Variants in LAMA2 observed in about 807,000 individuals in gnomAD.
The protein encoded by LAMA2 is laminin subunit alpha 2.
A neutral mutation model predicts 364.8 loss-of-function variants in LAMA2; 269 were observed. The observed-to-expected ratio is 0.74, with a 90% CI of 0.67 to 0.82. The LOEUF (loss-of-function observed/expected upper bound fraction) is 0.82. LAMA2 is among the 40% of genes least tolerant of loss of function. LAMA2 has a pLI of 0.00. For missense variants in LAMA2, 3,807 were observed against 3,873.2 expected (o/e 0.98, Z 0.45); for synonymous variants, 1,379 against 1,370.6 (o/e 1.01, Z -0.14).
chr6:129,316,270 G>T (rs994414959), intron 27 of LAMA2, 99 bp downstream of exon 27: 3 of 989,994 alleles, frequency 3.0e-6, no homozygotes, highest in Admixed American at 1.9e-5. Flanking sequence ...AAAGTGATTG[G>T]TTTTGCAGTA....
chr6:129,076,062 G>A (rs1773614303), intron 3 of LAMA2, among the ~76,000 whole-genome samples: 1 of 151,968 alleles, frequency 6.6e-6, no homozygotes, highest in Admixed American at 6.6e-5. Flanking sequence ...CTCCAGCCTG[G>A]GAGACAGAGC....
chr6:129,304,185 G>T (rs1773721820), intron 22 of LAMA2, among the ~76,000 whole-genome samples: 1 of 152,154 alleles, frequency 6.6e-6, no homozygotes, highest in African/African-American at 2.4e-5. Flanking sequence ...CCTAATAAAT[G>T]TGATAACTTG....
At chr6:129,211,259 C>T (rs1320443001) in intron 12 of LAMA2, among the ~76,000 whole-genome samples, 1 of 152,060 alleles carries the variant, frequency 6.6e-6, no homozygotes, top group Non-Finnish European at 1.5e-5. Context: ...ATACACAAAC[C>T]CAGCCACAGA....
At position 129,267,127 on chromosome 6, in the gene LAMA2, C is replaced by A. The variant is rs775676341; in HGVS notation, c.2230C>A (p.Arg744=). The A allele has an allele frequency of 1.9e-6, 3 of 1,612,092 alleles. No homozygotes were observed. The highest frequency in any genetic ancestry group is 2.7e-5 in the African/African-American group (2 of 74,802). The stretch of plus-strand genomic sequence containing the variant: ...TCAGTCTTGTTGGCCTAGGCACAGG[C>A]GAGTTAACGGCACTATTTTTGGTGG... ...SCESCWPRHR[R]VNGTIFGGIC... The change falls in exon 16 of 65, where the codon CGA becomes AGA. Residue 744 remains arginine (R), a synonymous_variant. Coordinates refer to ENST00000421865, the MANE Select transcript of LAMA2 (RefSeq NM_000426.4).
At chr6:129,223,526 G>T (rs926388630) in intron 12 of LAMA2, among the ~76,000 whole-genome samples, 1 of 152,180 alleles carries the variant, frequency 6.6e-6, no homozygotes. Flanking sequence ...TGTATAAGGT[G>T]TAAGGAAGGG....
chr6:128,960,527 T>C (rs1781421694), intron 1 of LAMA2, among the ~76,000 whole-genome samples: 1 of 148,570 alleles, frequency 6.7e-6, no homozygotes, highest in South Asian at 2.2e-4. Context: ...ACCCGGCTAA[T>C]TTTTGTATTT....
At position 129,402,449 on chromosome 6, in the gene LAMA2, C is replaced by A. The variant is rs573779258; in HGVS notation, c.5688C>A (p.His1896Gln). 1.2e-6 allele frequency: 2 copies of A among 1,613,936 alleles called. No homozygotes were observed. Among genetic ancestry groups the A allele is most frequent in the African/African-American group, 1.3e-5 (1 of 74,908 alleles). Residue 1896 changes from histidine (H) to glutamine (Q), a missense_variant, in exon 39 of 65, where the codon CAC (histidine) becomes CAA (glutamine). His to Gln is a conservative substitution (Grantham distance 24). Coordinates refer to ENST00000421865, the MANE Select transcript of LAMA2 (RefSeq NM_000426.4). ...AGAAGGTGTCCCAGGCTGAGAGCCA[C>A]GCAGCTCAGTTGAATGACTCATCTG... ...LAEKVSQAES[H>Q]AAQLNDSSAV...
intron 17 of LAMA2, 52 bp from the exon 18 acceptor site, chr6:129,280,009 T>A (rs574029342): frequency 8.5e-7 from 1 of 1,169,852 alleles, no homozygotes; most frequent in South Asian, 1.2e-5. Context: ...GCTAATGACT[T>A]TGTGTATGTC....
chr6:129,435,617 G>T (rs1781795153), intron 41 of LAMA2, among the ~76,000 whole-genome samples: 1 of 152,140 alleles, frequency 6.6e-6, no homozygotes, highest in African/African-American at 2.4e-5. Flanking sequence ...TTGTTTTTCA[G>T]TGATGTCAGG....
At chr6:129,470,341 T>C (rs1783750762) in intron 51 of LAMA2, among the ~76,000 whole-genome samples, 1 of 151,902 alleles carries the variant, frequency 6.6e-6, no homozygotes, top group Admixed American at 6.6e-5. Flanking sequence ...ATATAGATGA[T>C]GGTGTCTCAC....
At chr6:129,353,105 A>G (rs1420253908) in intron 31 of LAMA2, 59 bp from the exon 32 acceptor site, 1 of 1,355,606 alleles carries the variant, frequency 7.4e-7, no homozygotes. Context: ...ACCACACACA[A>G]CAATGTGGAG....
chr6:129,437,567 G>A (rs184072728), intron 41 of LAMA2, among the ~76,000 whole-genome samples: 6 of 151,990 alleles, frequency 3.9e-5, no homozygotes, highest in Admixed American at 6.5e-5. Flanking sequence ...CAATTAGTAC[G>A]CATGTCCCAA....
chr6:129,349,451 G>A, intron 31 of LAMA2, 67 bp downstream of exon 31: 4 of 1,213,192 alleles, frequency 3.3e-6, no homozygotes, highest in Non-Finnish European at 4.9e-6. Context: ...GGTCACAATA[G>A]GAAAACATTC....
rs754980023 is a variant in LAMA2, at chr6:129,507,489, G to A, written c.8704G>A (p.Val2902Met). ...TGTTTCTTCTGATCTGAATGTTTAG[G>A]TGACCTATAGCATTGATGGCTGCGT... ...INYTTRRIGPVTYSIDGCVRN... is the reference protein window; with the variant it reads ...INYTTRRIGPMTYSIDGCVRN... The change falls in exon 62 of 65, where the codon GTG becomes ATG. Residue 2902 changes from valine (V) to methionine (M), a missense_variant and splice_region_variant. By Grantham distance (21) the Val-to-Met change is conservative (BLOSUM62 1). Around this residue, in one of 3 missense-constraint regions of LAMA2, gnomAD observed 3,333 missense variants for 3,345.7 expected, o/e 1.00. Coordinates refer to ENST00000421865, the MANE Select transcript of LAMA2 (RefSeq NM_000426.4). The A allele has an allele frequency of 5.0e-6, 8 of 1,614,100 alleles. No individual in the cohort carries two copies. Among genetic ancestry groups the A allele is most frequent in the Non-Finnish European group, 5.9e-6 (7 of 1,179,980 alleles).
chr6:129,375,332 C>A (rs1459532656), intron 34 of LAMA2, among the ~76,000 whole-genome samples: 2 of 152,138 alleles, frequency 1.3e-5, no homozygotes, highest in Admixed American at 6.5e-5. Flanking sequence ...GATGATGACT[C>A]TACTTACCTC....
At chr6:128,971,826 A>C (rs765199229) in intron 1 of LAMA2, among the ~76,000 whole-genome samples, 17 of 152,160 alleles carry the variant, frequency 1.1e-4, no homozygotes, top group Admixed American at 2.0e-4. Flanking sequence ...CATATCTGTC[A>C]GTTATCGGCT....
At chr6:129,325,467 A>G (rs947254495) in intron 28 of LAMA2, among the ~76,000 whole-genome samples, 1 of 152,120 alleles carries the variant, frequency 6.6e-6, no homozygotes, top group Non-Finnish European at 1.5e-5. Flanking sequence ...AATATTGACA[A>G]ACACCCTAAA....
intron 62 of LAMA2, among the ~76,000 whole-genome samples, chr6:129,508,435 G>C (rs1484594328): frequency 7.2e-6 from 1 of 139,812 alleles, no homozygotes; most frequent in Non-Finnish European, 1.6e-5. Context: ...TTTTTTTACT[G>C]TAGTTACCCT....
chr6:129,130,164 A>G (rs1777383516), intron 4 of LAMA2, among the ~76,000 whole-genome samples: 1 of 152,194 alleles, frequency 6.6e-6, no homozygotes, highest in Non-Finnish European at 1.5e-5. Flanking sequence ...CTGAATATTG[A>G]TCAGATTTTC....
Sources: allele counts gnomAD v4.1 joint callset (sites outside exome capture counted in the v4.1 genomes callset), GRCh38; gene constraint gnomAD v4.1.1; regional missense constraint gnomAD v4.1.1; transcripts MANE v1.5; gene names NCBI Gene and HGNC (gene_info 2026-07-23, HGNC 2026-07-21).